Variants in APOBEC3B observed in about 807,000 individuals in gnomAD.
APOBEC3B encodes the protein DNA dC->dU-editing enzyme APOBEC-3B.
In APOBEC3B, 29 loss-of-function variants were observed where a neutral mutation model predicts 53.4. That is an observed-to-expected ratio of 0.54 (90% CI 0.40 to 0.74). The LOEUF is 0.74. APOBEC3B is among the 30% of genes least tolerant of loss of function. The probability of loss-of-function intolerance (pLI) is 0.00; values close to 1 mark genes in which losing one functional copy is unlikely to be tolerated. For synonymous variants in APOBEC3B, 132 were observed against 184.8 expected (o/e 0.71, Z 2.32); for missense variants, 347 against 496.2 (o/e 0.70, Z 2.86).
rs1923722058 is a variant in APOBEC3B at position 38,986,018 on chromosome 22, G to T, written c.381G>T (p.Trp127Cys). The change falls in exon 3 of 8, where the codon TGG becomes TGT. Residue 127 changes from tryptophan (W) to cysteine (C), a missense_variant. Transcript: ENST00000333467. ...TISAARLYYYWERDYRRALCR... is the reference protein window; with the variant it reads ...TISAARLYYYCERDYRRALCR... ...CTGCCGCCCGCCTCTACTACTACTG[G>T]GAAAGAGATTACCGAAGGGCGCTCT... 6.3e-7 allele frequency: 1 copy of T among 1,593,778 alleles called. No individual in the cohort carries two copies. Among genetic ancestry groups the T allele is most frequent in the Admixed American group, 1.8e-5 (1 of 56,738 alleles).
chr22:38,992,053 C>T lies in APOBEC3B; in HGVS notation c.1038C>T (p.Asp346=). 1 of 1,587,866 alleles carries T rather than the reference C, an allele frequency of 6.3e-7. No individual in the cohort carries two copies. Among genetic ancestry groups the T allele is most frequent in the Non-Finnish European group, 8.5e-7 (1 of 1,169,718 alleles). The change falls in exon 7 of 8, where the codon GAC becomes GAT. Residue 346 remains aspartate, a synonymous_variant. Transcript: ENST00000333467. The stretch of plus-strand genomic sequence containing the variant: ...TTTCAGAGTTTGAGTACTGCTGGGA[C>T]ACCTTTGTGTACCGCCAGGGATGTC... ...MTYDEFEYCW[D]TFVYRQGCPF...
intron 1 of APOBEC3B, among the ~76,000 whole-genome samples, chr22:38,983,198 G>A (rs568040015): frequency 6.8e-6 from 1 of 148,058 alleles, no homozygotes; most frequent in South Asian, 2.2e-4. Flanking sequence ...CGCATCTCTA[G>A]TCCCAGATAC....
chr22:38,992,201 C>T lies in APOBEC3B; in HGVS notation c.1134+52C>T, dbSNP rs781039331. 26 of 1,565,458 alleles carry T rather than the reference C, an allele frequency of 1.7e-5. 1 individual carries two copies. The highest frequency in any genetic ancestry group is 1.6e-4 in the East Asian group (6 of 38,566). The stretch of plus-strand genomic sequence containing the variant: ...GCCCCATCGGCCTCCCCCTCCTCCC[C>T]GCTCCCCTGTGCCTTGCCTTCCCCT... On this transcript the variant is annotated intron_variant, in intron 7 of 7. Coordinates refer to ENST00000333467, the MANE Select transcript of APOBEC3B (RefSeq NM_004900.5).
At chr22:38,983,305 G>T (rs1923605746) in intron 1 of APOBEC3B, among the ~76,000 whole-genome samples, 1 of 146,972 alleles carries the variant, frequency 6.8e-6, no homozygotes, top group African/African-American at 2.5e-5. Flanking sequence ...GCGACAGAGT[G>T]AGACTTCATC....
At chr22:38,988,333 A>T (rs987140140) in intron 4 of APOBEC3B, among the ~76,000 whole-genome samples, 1 of 148,516 alleles carries the variant, frequency 6.7e-6, no homozygotes, top group Non-Finnish European at 1.5e-5. Flanking sequence ...GTGGATAATG[A>T]TGCTGTGCCC....
chr22:38,984,313 G>A, intron 2 of APOBEC3B, 82 bp downstream of exon 2: 1 of 1,467,456 alleles, frequency 6.8e-7, no homozygotes, highest in Non-Finnish European at 9.1e-7. Context: ...TGAGACAGGA[G>A]GATTTATTTA....
chr22:38,989,577 G>A lies in APOBEC3B; in HGVS notation c.690G>A (p.Leu230=). ...VERLDNGTWV[L]MDQHMGFLCN... ...GCCTGGACAATGGCACCTGGGTCCT[G>A]ATGGACCAGCACATGGGCTTTCTAT... Residue 230 remains leucine, a synonymous_variant, in exon 5 of 8, where the codon CTG becomes CTA. Coordinates refer to ENST00000333467, the MANE Select transcript of APOBEC3B (RefSeq NM_004900.5). The A allele has an allele frequency of 1.9e-6, 3 of 1,586,852 alleles. No individual in the cohort carries two copies. Among genetic ancestry groups the A allele is most frequent in the Non-Finnish European group, 2.6e-6 (3 of 1,168,198 alleles).
chr22:38,990,246 A>G (rs1923940763), intron 5 of APOBEC3B, among the ~76,000 whole-genome samples: 1 of 147,854 alleles, frequency 6.8e-6, no homozygotes, highest in African/African-American at 2.5e-5. Context: ...TCTGGGCTCT[A>G]TGAGCTCAAT....
Position 38,992,587 on chromosome 22 carries a change from C to A in APOBEC3B, c.*142C>A. On this transcript the variant is annotated 3_prime_UTR_variant, in exon 8 of 8. Coordinates refer to ENST00000333467, the MANE Select transcript of APOBEC3B (RefSeq NM_004900.5). ...ACCAGCAAAGCAATGTGCTCCTGAT[C>A]AAGTAGATTTTTTAAAAATCAGAGT... The A allele has an allele frequency of 1.3e-6, 2 of 1,564,748 alleles. No individual in the cohort carries two copies. The highest frequency in any genetic ancestry group is 2.3e-5 in the South Asian group (2 of 85,312).
intron 2 of APOBEC3B, 108 bp from the exon 3 acceptor site, chr22:38,985,704 G>A: frequency 2.1e-6 from 2 of 969,158 alleles, no homozygotes; most frequent in African/African-American, 1.7e-5. Flanking sequence ...GAGCTTCAAT[G>A]GCAAGATCCC....
Position 38,991,955 on chromosome 22 carries a change from T to C in APOBEC3B, c.1019-79T>C. On this transcript the variant is annotated intron_variant, in intron 6 of 7. Transcript: ENST00000333467. ...GACTGAAACCAGGATGTGGGAAGTC[T>C]GTCCTGAGAGTCATGGGCCCTTGGT... 3 of 1,461,224 alleles carry C rather than the reference T, an allele frequency of 2.1e-6. 1 individual carries two copies. Among genetic ancestry groups the C allele is most frequent in the Non-Finnish European group, 2.7e-6 (3 of 1,107,462 alleles). The allele number at this position is 1,461,224 out of a possible 1,614,324, so 90.5% of individuals were successfully genotyped here. A position where few individuals can be genotyped will look rare whatever the true frequency, so the allele number is the denominator to read the frequency against.
chr22:38,992,468 G>A lies in APOBEC3B; in HGVS notation c.*23G>A. 6.4e-7 allele frequency: 1 copy of A among 1,561,782 alleles called. No individual in the cohort carries two copies. The highest frequency in any genetic ancestry group is 2.3e-5 in the East Asian group (1 of 43,380). ...TGAAGGATGGGCCTCAGTCTCTAAGGAAGGCAGAGACCTGGGTTGAGCAGC... is the reference window on the plus strand; with the variant it reads ...TGAAGGATGGGCCTCAGTCTCTAAGAAAGGCAGAGACCTGGGTTGAGCAGC... On this transcript the variant is annotated 3_prime_UTR_variant, in exon 8 of 8. Transcript: ENST00000333467.
In APOBEC3B at chr22:38,989,618, A is replaced by G; in HGVS notation, c.723+8A>G. The G allele has an allele frequency of 6.4e-7, 1 of 1,557,322 alleles. No homozygotes were observed. Among genetic ancestry groups the G allele is most frequent in the Non-Finnish European group, 8.7e-7 (1 of 1,148,504 alleles). On this transcript the variant is annotated splice_region_variant and intron_variant, in intron 5 of 7. Coordinates refer to ENST00000333467, the MANE Select transcript of APOBEC3B (RefSeq NM_004900.5). ...GGCTTTCTATGCAACGAGGTGACCG[A>G]CCCAGCCACCTGCATCCAGGCAGGG...
chr22:38,988,337 T>C lies in APOBEC3B; in HGVS notation c.570-1120T>C, dbSNP rs1269703304. Among the ~76,000 whole-genome samples the C allele has an allele frequency of 4.5e-4, 67 of 148,822 alleles. 7 individuals carry two copies. Among genetic ancestry groups the C allele is most frequent in the Non-Finnish European group, 8.2e-4 (55 of 67,358 alleles). On this transcript the variant is annotated intron_variant, in intron 4 of 7. Transcript: ENST00000333467. ...TGAAAATCCCAGTGGATAATGATGC[T>C]GTGCCCCAGCCAGTGAAGACAGTTG... is the stretch of plus-strand genomic sequence containing the variant.
At chr22:38,990,855 G>T in intron 5 of APOBEC3B, among the ~76,000 whole-genome samples, 1 of 146,088 alleles carries the variant, frequency 6.8e-6, no homozygotes, top group Non-Finnish European at 1.5e-5. Context: ...CATCTCTGTA[G>T]CCCCTCCCTG....
intron 4 of APOBEC3B, among the ~76,000 whole-genome samples, chr22:38,988,744 TC>T (rs1923868118): frequency 8.6e-6 from 1 of 116,218 alleles, no homozygotes; most frequent in African/African-American, 3.9e-5. Context: ...TTTCTTTCTT[TC>T]TTCCTTTCTT....
At position 38,992,327 on chromosome 22, in the gene APOBEC3B, T is replaced by C. The variant is rs1029833686; in HGVS notation, c.1135-104T>C. Reference sequence around the variant, plus strand: ...CTCCTTCTCTTTCCCACCTCCCGCATCCCTCCCTCCTCTCCCGTCATTGTC... The same window carrying C: ...CTCCTTCTCTTTCCCACCTCCCGCACCCCTCCCTCCTCTCCCGTCATTGTC... On this transcript the variant is annotated intron_variant, in intron 7 of 7. Coordinates refer to ENST00000333467, the MANE Select transcript of APOBEC3B (RefSeq NM_004900.5). 19 of 1,537,880 alleles carry C rather than the reference T, an allele frequency of 1.2e-5. No individual in the cohort carries two copies. The African/African-American group carries it at 2.6e-4, about 21-fold the overall frequency.
Position 38,988,741 on chromosome 22 carries a change from C to CTTTCTTTCTTTCTTTCTTTCTT in APOBEC3B, c.570-710_570-709insTCTTTCTTTCTTTCTTTTTCTT, listed in dbSNP as rs1256482589. ...TCTTTCTTTCTTTCTTTCTTTCTTT[C>CTTTCTTTCTTTCTTTCTTTCTT]TTTCTTCCTTTCTTCTCTCTCGTCT... On this transcript the variant is annotated intron_variant, in intron 4 of 7. Transcript: ENST00000333467. Among the ~76,000 whole-genome samples the CTTTCTTTCTTTCTTTCTTTCTT allele has an allele frequency of 1.6e-5, 2 of 121,536 alleles. 1 individual carries two copies. The highest frequency in any genetic ancestry group is 7.0e-5 in the African/African-American group (2 of 28,680). The allele number at this position is 121,536 out of a possible 152,430, so 79.7% of individuals were successfully genotyped here. A position where few individuals can be genotyped will look rare whatever the true frequency, so the allele number is the denominator to read the frequency against.
chr22:38,984,200 T>C lies in APOBEC3B; in HGVS notation c.143T>C (p.Leu48Pro). The C allele has an allele frequency of 6.3e-7, 1 of 1,592,576 alleles. No individual in the cohort carries two copies. Among genetic ancestry groups the C allele is most frequent in the Non-Finnish European group, 8.5e-7 (1 of 1,172,428 alleles). The stretch of plus-strand genomic sequence containing the variant: ...AAAATAAAGAGGGGCCGCTCAAATC[T>C]CCTTTGGGACACAGGGGTCTTTCGA... Reference protein sequence around the residue: ...EVKIKRGRSNLLWDTGVFRGQ... With the variant: ...EVKIKRGRSNPLWDTGVFRGQ... The change falls in exon 2 of 8, where the codon CTC becomes CCC. Residue 48 changes from leucine (L) to proline (P), a missense_variant. Leu to Pro is a moderately conservative substitution (Grantham distance 98). Around this residue, in one of 5 missense-constraint regions of APOBEC3B, gnomAD observed 73 missense variants for 90.9 expected, o/e 0.80. Transcript: ENST00000333467.
Sources: allele counts gnomAD v4.1 joint callset (sites outside exome capture counted in the v4.1 genomes callset), GRCh38; gene constraint gnomAD v4.1.1; regional missense constraint gnomAD v4.1.1; transcripts MANE v1.5; gene names NCBI Gene and HGNC (gene_info 2026-07-23, HGNC 2026-07-21).